The following KMT2C variants were observed in gnomAD, a reference collection of about 807,000 sequenced individuals.
The protein encoded by KMT2C is histone-lysine N-methyltransferase 2C.
KMT2C carries 88 observed loss-of-function variants against 507.9 expected under a neutral mutation model. The ratio of observed to expected loss-of-function variants is 0.17; its 90% CI spans 0.15 to 0.21. KMT2C has a LOEUF of 0.21. KMT2C is among the 10% of genes least tolerant of loss of function. The pLI is 1.00. For missense variants in KMT2C, 4,954 were observed against 5,957.8 expected (o/e 0.83, Z 5.55); for synonymous variants, 2,049 against 2,080.8 (o/e 0.98, Z 0.42).
intron 31 of KMT2C, among the ~76,000 whole-genome samples, chr7:152,189,273 C>T (rs193183422): frequency 6.6e-6 from 1 of 152,226 alleles, no homozygotes; most frequent in Admixed American, 6.5e-5. Flanking sequence ...AAAGAAAGAA[C>T]AACAACAACA....
rs574329705 is a variant in KMT2C at position 152,204,390 on chromosome 7, T to C, written c.3961+716A>G. On this transcript the variant is annotated intron_variant, in intron 25 of 58. Coordinates refer to ENST00000262189, the MANE Select transcript of KMT2C (RefSeq NM_170606.3). The stretch of plus-strand genomic sequence containing the variant: ...CAGGAGGATCGCTTGAGCACAGGAG[T>C]TGCAGGCCAGCCTGGGCAACAAAGT... Among the ~76,000 whole-genome samples, 59 of 151,564 alleles carry C rather than the reference T, an allele frequency of 3.9e-4. No individual in the cohort carries two copies. In the South Asian group the frequency reaches 6.3e-3, roughly 16 times the overall value.
intron 1 of KMT2C, 22 bp downstream of exon 1, chr7:152,435,604 G>C: frequency 7.0e-7 from 1 of 1,422,844 alleles, no homozygotes; most frequent in Non-Finnish European, 9.3e-7. Flanking sequence ...CTCCCGGCCT[G>C]GCTCCCTCGC....
At chr7:152,223,861 C>T (rs567623962) in intron 20 of KMT2C, among the ~76,000 whole-genome samples, 154 bp downstream of exon 20, 5 of 151,816 alleles carry the variant, frequency 3.3e-5, no homozygotes, top group South Asian at 2.1e-4. Flanking sequence ...AACAGGAAAT[C>T]GCTTCTGTAA....
intron 1 of KMT2C, among the ~76,000 whole-genome samples, chr7:152,423,934 T>C (rs529619190): frequency 6.7e-6 from 1 of 149,332 alleles, no homozygotes; most frequent in Non-Finnish European, 1.5e-5. Flanking sequence ...GACCTAACTA[T>C]AGCCCAATCT....
chr7:152,423,323 G>A (rs2097789769), intron 1 of KMT2C, among the ~76,000 whole-genome samples: 2 of 152,218 alleles, frequency 1.3e-5, no homozygotes, highest in Admixed American at 6.5e-5. Flanking sequence ...CTGCATGACA[G>A]AGCGAGACTC....
rs2091723665 is a variant in KMT2C at position 152,152,609 on chromosome 7, C to T, written c.12526+96G>A. On this transcript the variant is annotated intron_variant, in intron 49 of 58. Coordinates refer to ENST00000262189, the MANE Select transcript of KMT2C (RefSeq NM_170606.3). Reference sequence around the variant, plus strand: ...CAAGGACTATACGCCAGCATGTTACCTGTCCGTTGTTAAAAGATAATCAGT... The same window carrying T: ...CAAGGACTATACGCCAGCATGTTACTTGTCCGTTGTTAAAAGATAATCAGT... 4 of 1,431,190 alleles carry T rather than the reference C, an allele frequency of 2.8e-6. No homozygotes were observed. In the South Asian group the frequency reaches 5.1e-5, roughly 18 times the overall value. The allele number at this position is 1,431,190 out of a possible 1,614,324, so 88.7% of individuals were successfully genotyped here. A position where few individuals can be genotyped will look rare whatever the true frequency, so the allele number is the denominator to read the frequency against.
intron 1 of KMT2C, among the ~76,000 whole-genome samples, chr7:152,416,879 G>GTC (rs2097743497): frequency 6.7e-6 from 1 of 148,908 alleles, no homozygotes; most frequent in African/African-American, 2.5e-5. Flanking sequence ...GGTAAACCTT[G>GTC]TCTCTACTAA....
chr7:152,183,953 TC>T (rs1651228103), intron 34 of KMT2C, among the ~76,000 whole-genome samples: 2 of 150,094 alleles, frequency 1.3e-5, no homozygotes, highest in African/African-American at 4.9e-5. Flanking sequence ...ATGCCTGTAA[TC>T]CCAGCTACTT....
chr7:152,334,255 A>C (rs1412203989), intron 2 of KMT2C, among the ~76,000 whole-genome samples: 2 of 152,214 alleles, frequency 1.3e-5, no homozygotes, highest in African/African-American at 4.8e-5. Context: ...CAGGAGTTCG[A>C]GACCAGCCTC....
At chr7:152,426,996 C>A (rs6979954) in intron 1 of KMT2C, among the ~76,000 whole-genome samples, 7,641 of 151,778 alleles carry the variant, frequency 0.05, 322 homozygotes, top group African/African-American at 0.11. Flanking sequence ...AGAATATACT[C>A]CCCAGAGTTT....
chr7:152,260,040 C>A (rs1469458649), intron 9 of KMT2C, among the ~76,000 whole-genome samples: 2 of 152,156 alleles, frequency 1.3e-5, no homozygotes, highest in Non-Finnish European at 2.9e-5. Context: ...TTTATAGATA[C>A]CACTTCATTA....
rs912811711 is a variant in KMT2C at position 152,155,942 on chromosome 7, T to C, written c.11928A>G (p.Pro3976=). The change falls in exon 46 of 59, where the codon CCA becomes CCG. Residue 3976 remains proline, a synonymous_variant. Transcript: ENST00000262189. The stretch of plus-strand genomic sequence containing the variant: ...CTTCCTGATTGTTATGAGGTGGTGT[T>C]GGGAGGGAGGCTGGCACATCAACTG... ...PKTVDVPASL[P]TPPHNNQEEL... 1.7e-5 allele frequency: 28 copies of C among 1,608,192 alleles called. No individual in the cohort carries two copies. The Admixed American group carries it at 4.8e-4, about 28-fold the overall frequency.
chr7:152,408,987 T>G (rs962189186), intron 1 of KMT2C, among the ~76,000 whole-genome samples: 2 of 151,854 alleles, frequency 1.3e-5, no homozygotes, highest in Non-Finnish European at 2.9e-5. Flanking sequence ...CTGGGTGGGT[T>G]TCTCTCTCTT....
At chr7:152,241,991 T>G (rs975565515) in intron 14 of KMT2C, among the ~76,000 whole-genome samples, 2 of 152,236 alleles carry the variant, frequency 1.3e-5, no homozygotes, top group African/African-American at 4.8e-5. Flanking sequence ...TCATTATACT[T>G]AGATATTCTG....
rs777637859 is a variant in KMT2C at position 152,311,963 on chromosome 7, A to G, written c.591-17T>C. On this transcript the variant is annotated splice_polypyrimidine_tract_variant and intron_variant, in intron 4 of 58. Coordinates refer to ENST00000262189, the MANE Select transcript of KMT2C (RefSeq NM_170606.3). ...GATCGTTCTCTGAAAATAAAATAAAATAACTGTGAAAGTGAAAACAAGCAG... is the reference window on the plus strand; with the variant it reads ...GATCGTTCTCTGAAAATAAAATAAAGTAACTGTGAAAGTGAAAACAAGCAG... 10 of 1,535,414 alleles carry G rather than the reference A, an allele frequency of 6.5e-6. No homozygotes were observed. Among genetic ancestry groups the G allele is most frequent in the Non-Finnish European group, 8.0e-6 (9 of 1,127,242 alleles).
At chr7:152,218,469 C>A (rs1357611010) in intron 23 of KMT2C, among the ~76,000 whole-genome samples, 1 of 151,976 alleles carries the variant, frequency 6.6e-6, no homozygotes, top group East Asian at 1.9e-4. Flanking sequence ...CCGAGCCCGG[C>A]CACAAATGAC....
chr7:152,249,673 C>CAA (rs1183345172), intron 13 of KMT2C, among the ~76,000 whole-genome samples: 1,388 of 34,410 alleles, frequency 0.04, 90 homozygotes, highest in African/African-American at 0.06. Flanking sequence ...CTCCCCCCTC[C>CAA]AAAAAAAAAA....
chr7:152,153,011 A>G (rs2129097873), intron 48 of KMT2C, 57 bp from the exon 49 acceptor site: 1 of 1,588,414 alleles, frequency 6.3e-7, no homozygotes, highest in Admixed American at 1.7e-5. Context: ...TGAACCACTG[A>G]AGAAAAATAC....
rs987466782 is a variant in KMT2C, at chr7:152,423,039, G to GA, written c.161+12586dup. Among the ~76,000 whole-genome samples, 7 of 147,100 alleles carry GA rather than the reference G, an allele frequency of 4.8e-5. No homozygotes were observed. In the East Asian group the frequency reaches 6.1e-4, roughly 13 times the overall value. ...TCTCAAAAAAAAAAAAAGAAAAAAA[G>GA]AAAAAAAAACTACATTCCCAGCCGG... On this transcript the variant is annotated intron_variant, in intron 1 of 58. Coordinates refer to ENST00000262189, the MANE Select transcript of KMT2C (RefSeq NM_170606.3).
Sources: allele counts gnomAD v4.1 joint callset (sites outside exome capture counted in the v4.1 genomes callset), GRCh38; gene constraint gnomAD v4.1.1; transcripts MANE v1.5; gene names NCBI Gene and HGNC (gene_info 2026-07-23, HGNC 2026-07-21).